TMPRSS15: variants seen among roughly 807,000 people sequenced by gnomAD.
TMPRSS15 encodes transmembrane serine protease 15.
Under a neutral mutation model 125.3 loss-of-function variants are expected in TMPRSS15, and 128 were observed. That is an observed-to-expected ratio of 1.02 (90% CI 0.89 to 1.18). TMPRSS15 has a LOEUF of 1.18. TMPRSS15 is among the 50% of genes most tolerant of loss of function. The pLI, the probability that TMPRSS15 is intolerant of heterozygous loss-of-function variation, is 0.00. For missense variants in TMPRSS15, 1,283 were observed against 1,212.7 expected, an observed-to-expected ratio of 1.06 and a Z score of -0.86; for synonymous variants, 446 against 423.2, an observed-to-expected ratio of 1.05 and a Z score of -0.66.
In TMPRSS15 at chr21:18,281,080, G is replaced by A. The variant is rs918103261; in HGVS notation, c.2628C>T (p.Asp876=). The A allele has an allele frequency of 6.2e-7, 1 of 1,613,756 alleles. No individual in the cohort carries two copies. Among genetic ancestry groups the A allele is most frequent in the Admixed American group, 1.7e-5 (1 of 59,982 alleles). ...PHYNRRRKDN[D]IAMMHLEFKV... ...TAAATTCCAGATGCATCATGGCAAT[G>A]TCGTTGTCCTTTCTTCGCCTATTGT... Residue 876 remains aspartate, a synonymous_variant, in exon 22 of 25, where the codon GAC becomes GAT. Transcript: ENST00000284885.
At chr21:18,467,719 G>A (rs1978695766) in intron 1 of TMPRSS15, among the ~76,000 whole-genome samples, 1 of 152,042 alleles carries the variant, frequency 6.6e-6, no homozygotes, top group Non-Finnish European at 1.5e-5. Context: ...AGAGGAAGGT[G>A]GGGCCCAATC....
chr21:18,466,079 A>G lies in TMPRSS15; in HGVS notation c.10+19720T>C, dbSNP rs577264875. Among the ~76,000 whole-genome samples, 11 of 152,300 alleles carry G rather than the reference A, an allele frequency of 7.2e-5. No homozygotes were observed. The East Asian group carries it at 2.1e-3, about 29-fold the overall frequency. ...CAAAACAGATATATAGACCAATGGA[A>G]CAGGAAATAAGCCTCAGAAATAACG... On this transcript the variant is annotated intron_variant, in intron 1 of 7. Transcript: ENST00000422787.
intron 1 of TMPRSS15, among the ~76,000 whole-genome samples, chr21:18,425,088 T>A (rs2076199986): frequency 6.6e-6 from 1 of 151,674 alleles, no homozygotes; most frequent in Non-Finnish European, 1.5e-5. Flanking sequence ...ATAAATAATA[T>A]GATACAGAAT....
chr21:18,437,601 T>C (rs2076230780), intron 1 of TMPRSS15, among the ~76,000 whole-genome samples: 1 of 151,960 alleles, frequency 6.6e-6, no homozygotes, highest in South Asian at 2.1e-4. Flanking sequence ...ATATCCAGAA[T>C]CTACAATGAA....
chr21:18,440,386 A>AAAAAAAAAAAAAG, intron 1 of TMPRSS15, among the ~76,000 whole-genome samples: 1 of 133,530 alleles, frequency 7.5e-6, no homozygotes, highest in Non-Finnish European at 1.6e-5. Context: ...AAAAAAAAAA[A>AAAAAAAAAAAAAG]AAAGAAAACT....
chr21:18,454,366 T>C (rs971292415), intron 1 of TMPRSS15, among the ~76,000 whole-genome samples: 3 of 152,164 alleles, frequency 2.0e-5, no homozygotes, highest in Non-Finnish European at 2.9e-5. Context: ...GAAGCCATTT[T>C]AATATGTGTA....
At chr21:18,285,978 A>G (rs933687282) in intron 21 of TMPRSS15, among the ~76,000 whole-genome samples, 2 of 152,228 alleles carry the variant, frequency 1.3e-5, no homozygotes, top group African/African-American at 4.8e-5. Flanking sequence ...TTTTTAAAAT[A>G]TGGGTATATG....
intron 6 of TMPRSS15, among the ~76,000 whole-genome samples, chr21:18,367,342 A>G (rs912124894): frequency 6.6e-6 from 1 of 152,216 alleles, no homozygotes; most frequent in South Asian, 2.1e-4. Context: ...TGATTTGAAG[A>G]TAGATAGTAA....
At chr21:18,301,776 G>A (rs187725856) in intron 18 of TMPRSS15, among the ~76,000 whole-genome samples, 208 of 152,088 alleles carry the variant, frequency 1.4e-3, no homozygotes, top group African/African-American at 4.8e-3. Flanking sequence ...AATGCCTCCC[G>A]GAAACCTATT....
intron 1 of TMPRSS15, among the ~76,000 whole-genome samples, chr21:18,431,160 G>T (rs763537812): frequency 6.6e-6 from 1 of 152,182 alleles, no homozygotes; most frequent in Non-Finnish European, 1.5e-5. Flanking sequence ...TATACTTGCT[G>T]TGTTAGTTTA....
rs953052504 is a variant in TMPRSS15, at chr21:18,323,760, T to C, written c.1921+2672A>G. 3.3e-4 allele frequency among the ~76,000 whole-genome samples: 51 copies of C among 152,306 alleles called. 1 individual carries two copies. Among genetic ancestry groups the C allele is most frequent in the African/African-American group, 1.2e-3 (51 of 41,564 alleles). On this transcript the variant is annotated intron_variant, in intron 16 of 24. Coordinates refer to ENST00000284885, the MANE Select transcript of TMPRSS15 (RefSeq NM_002772.3). ...CAGAATTCTTGAAAAAAATTTAGGA[T>C]GGCCTCCAGTAGAATAGTATTAGGC...
chr21:18,401,895 T>C (rs1449716066), intron 1 of TMPRSS15, among the ~76,000 whole-genome samples: 2 of 152,258 alleles, frequency 1.3e-5, no homozygotes, highest in Non-Finnish European at 2.9e-5. Flanking sequence ...CTAACCTTTG[T>C]ATGTTTATTG....
At chr21:18,372,892 A>T (rs772956387) in intron 5 of TMPRSS15, among the ~76,000 whole-genome samples, 22 of 152,242 alleles carry the variant, frequency 1.4e-4, no homozygotes, top group South Asian at 8.3e-4. Flanking sequence ...AAGTCTAGAG[A>T]TGCACCAAGA....
At chr21:18,297,638 C>T (rs945296514) in intron 19 of TMPRSS15, 96 bp downstream of exon 19, 22 of 828,510 alleles carry the variant, frequency 2.7e-5, no homozygotes, top group Non-Finnish European at 4.3e-5. Context: ...GATTATATGA[C>T]CAGTATGTAA....
In TMPRSS15 at chr21:18,275,280, A is replaced by T. The variant is rs776438500; in HGVS notation, c.2821T>A (p.Cys941Ser). ...ADVPLLSNERCQQQMPEYNIT... is the reference protein window; with the variant it reads ...ADVPLLSNERSQQQMPEYNIT... ...TTATATTCTGGCATCTGCTGTTGGC[A>T]TCTCTCATTTGATAGAAGAGGAACA... The change falls in exon 24 of 25, where the codon TGC (cysteine) becomes AGC (serine). Residue 941 changes from cysteine to serine, a missense_variant. Transcript: ENST00000284885. 2 of 1,614,078 alleles carry T rather than the reference A, an allele frequency of 1.2e-6. No individual in the cohort carries two copies. Among genetic ancestry groups the T allele is most frequent in the Non-Finnish European group, 1.7e-6 (2 of 1,179,990 alleles).
At chr21:18,442,263 C>T (rs1045956568) in intron 1 of TMPRSS15, among the ~76,000 whole-genome samples, 1 of 152,082 alleles carries the variant, frequency 6.6e-6, no homozygotes, top group African/African-American at 2.4e-5. Flanking sequence ...TTCCTAAGAA[C>T]GATGTTTATC....
intron 4 of TMPRSS15, among the ~76,000 whole-genome samples, chr21:18,380,226 AAC>A (rs1277237506): frequency 6.7e-6 from 1 of 150,032 alleles, no homozygotes; most frequent in Non-Finnish European, 1.5e-5. Context: ...TCTCATATGT[AAC>A]ACACACACTC....
chr21:18,325,877 C>G (rs113669906), intron 16 of TMPRSS15, among the ~76,000 whole-genome samples: 1 of 151,742 alleles, frequency 6.6e-6, no homozygotes, highest in African/African-American at 2.4e-5. Flanking sequence ...GAACATGCCG[C>G]TATTTTGTTT....
At chr21:18,342,075 G>C (rs2075452500) in intron 12 of TMPRSS15, among the ~76,000 whole-genome samples, 1 of 152,154 alleles carries the variant, frequency 6.6e-6, no homozygotes, top group Non-Finnish European at 1.5e-5. Flanking sequence ...AGTTCACCCA[G>C]GGTGTTGATG....
Sources: gnomAD v4.1 joint callset for allele counts (sites outside exome capture counted in the v4.1 genomes callset) on GRCh38, gnomAD v4.1.1 for gene constraint, MANE v1.5 for transcripts, NCBI Gene and HGNC (gene_info 2026-07-23, HGNC 2026-07-21) for gene names.